CATSPER3: variants seen among roughly 807,000 people sequenced by gnomAD.
CATSPER3 encodes the protein cation channel sperm associated 3, also known as cation channel sperm-associated protein 3.
CATSPER3 carries 23 observed loss-of-function variants against 36.6 expected under a neutral mutation model. That is an observed-to-expected ratio of 0.63 (90% confidence interval 0.45 to 0.89). The LOEUF (loss-of-function observed/expected upper bound fraction) is 0.89. CATSPER3 is among the 40% of genes least tolerant of loss of function. The probability of loss-of-function intolerance (pLI) is 0.00; values close to 1 mark genes in which losing one functional copy is unlikely to be tolerated. For synonymous variants in CATSPER3, 172 were observed against 184.1 expected (o/e 0.93, Z 0.53); for missense variants, 474 against 503.9 (o/e 0.94, Z 0.57).
intron 7 of CATSPER3, 31 bp from the exon 8 acceptor site, chr5:135,011,490 A>G (rs1204031121): frequency 1.2e-5 from 19 of 1,557,880 alleles, no homozygotes; most frequent in Non-Finnish European, 1.6e-5. Context: ...CTCTGACCTC[A>G]GATCTTATCT....
chr5:134,997,375 G>A (rs1751963130), intron 3 of CATSPER3, among the ~76,000 whole-genome samples: 1 of 152,170 alleles, frequency 6.6e-6, no homozygotes, highest in African/African-American at 2.4e-5. Flanking sequence ...GTAAACAAAC[G>A]CCTGCCTGTG....
chr5:134,975,114 A>G (rs1180990721), intron 2 of CATSPER3: 1 of 152,180 alleles, frequency 6.6e-6, no homozygotes, highest in Non-Finnish European at 1.5e-5. Flanking sequence ...TTGTAAAATG[A>G]TATAATTAAT....
chr5:134,977,883 A>G (rs1751693406), intron 2 of CATSPER3, among the ~76,000 whole-genome samples: 1 of 152,244 alleles, frequency 6.6e-6, no homozygotes, highest in Admixed American at 6.5e-5. Context: ...AAGGGGAGCC[A>G]GCATGTCACA....
chr5:134,995,024 TTTCC>T (rs1276462713), intron 2 of CATSPER3, among the ~76,000 whole-genome samples: 6 of 151,732 alleles, frequency 4.0e-5, no homozygotes, highest in South Asian at 4.2e-4. Context: ...TCTCTCTCTT[TTTCC>T]TTCCTTCCTT....
In CATSPER3 at chr5:134,996,416, C is replaced by T; in HGVS notation, c.396C>T (p.Arg132=). The T allele has an allele frequency of 6.2e-7, 1 of 1,614,158 alleles. No homozygotes were observed. The highest frequency in any genetic ancestry group is 8.5e-7 in the Non-Finnish European group (1 of 1,179,948). Residue 132 remains arginine, a synonymous_variant, in exon 3 of 8, where the codon CGC becomes CGT. Coordinates refer to ENST00000282611, the MANE Select transcript of CATSPER3 (RefSeq NM_178019.3). ...TTATGTTTTTACCCTATGCCCTCCG[C>T]CAGCTCATGGGCAAACAGTTCACTT... ...IIVMFLPYAL[R]QLMGKQFTYL...
chr5:134,984,697 A>G (rs1751788139), intron 2 of CATSPER3, among the ~76,000 whole-genome samples: 1 of 152,184 alleles, frequency 6.6e-6, no homozygotes, highest in African/African-American at 2.4e-5. Flanking sequence ...GACAACCTCT[A>G]TGGAAAACAG....
intron 3 of CATSPER3, among the ~76,000 whole-genome samples, chr5:135,001,721 C>T (rs2149551973): frequency 6.6e-6 from 1 of 152,180 alleles, no homozygotes; most frequent in South Asian, 2.1e-4. Flanking sequence ...ATGTAATGGC[C>T]TTCTTTGTCT....
At chr5:135,000,279 C>T (rs1752004209) in intron 3 of CATSPER3, among the ~76,000 whole-genome samples, 2 of 152,238 alleles carry the variant, frequency 1.3e-5, no homozygotes, top group Non-Finnish European at 2.9e-5. Flanking sequence ...CCCACTTGAT[C>T]ATGGTGGATA....
Position 135,008,898 on chromosome 5 carries a change from C to T in CATSPER3, c.733C>T (p.Arg245Trp), listed in dbSNP as rs137922828. 3.5e-5 allele frequency: 57 copies of T among 1,614,048 alleles called. No homozygotes were observed. Among genetic ancestry groups the T allele is most frequent in the Middle Eastern group, 1.6e-4 (1 of 6,062 alleles). Residue 245 changes from arginine to tryptophan, a missense_variant, in exon 5 of 8, where the codon CGG (arginine) becomes TGG (tryptophan). Physicochemically the swap from Arg to Trp is moderately radical, Grantham distance 101. Coordinates refer to ENST00000282611, the MANE Select transcript of CATSPER3 (RefSeq NM_178019.3). ...QLDNREFALS[R>W]AFTIIFILLA... ...GGACAATCGGGAATTTGCTTTGAGC[C>T]GGGCATTCACCATCATCTTCATCTT... is the stretch of plus-strand genomic sequence containing the variant.
At chr5:135,007,092 T>G (rs1249846340) in intron 3 of CATSPER3, among the ~76,000 whole-genome samples, 1 of 152,166 alleles carries the variant, frequency 6.6e-6, no homozygotes, top group East Asian at 1.9e-4. Context: ...TTCCTAGTAC[T>G]AAGCCAGTAA....
At position 135,011,559 on chromosome 5, in the gene CATSPER3, G is replaced by C; in HGVS notation, c.1133G>C (p.Ser378Thr). ...TACTATGAGATCGTGCATGTGCTGAGCCTAATGCTGGAAGACTTGCCCCAG... is the reference window on the plus strand; with the variant it reads ...TACTATGAGATCGTGCATGTGCTGACCCTAATGCTGGAAGACTTGCCCCAG... ...ELYYEIVHVL[S>T]LMLEDLPQEK... The change falls in exon 8 of 8, where the codon AGC becomes ACC. Residue 378 changes from serine (S) to threonine (T), a missense_variant. Ser to Thr is a moderately conservative substitution (Grantham distance 58). Transcript: ENST00000282611. The C allele has an allele frequency of 6.2e-7, 1 of 1,614,126 alleles. No individual in the cohort carries two copies. Among genetic ancestry groups the C allele is most frequent in the Non-Finnish European group, 8.5e-7 (1 of 1,179,976 alleles).
At chr5:134,974,629 C>T (rs1453908517) in intron 2 of CATSPER3, among the ~76,000 whole-genome samples, 1 of 152,066 alleles carries the variant, frequency 6.6e-6, no homozygotes, top group Non-Finnish European at 1.5e-5. Flanking sequence ...AAAATATACT[C>T]TTCTTATCTT....
At chr5:134,990,311 G>C (rs2149549286) in intron 2 of CATSPER3, among the ~76,000 whole-genome samples, 1 of 152,284 alleles carries the variant, frequency 6.6e-6, no homozygotes. Flanking sequence ...ATGAACATTG[G>C]CTCAGTCTGG....
At chr5:134,982,438 T>G (rs1228670406) in intron 2 of CATSPER3, among the ~76,000 whole-genome samples, 2 of 152,118 alleles carry the variant, frequency 1.3e-5, no homozygotes, top group Admixed American at 1.3e-4. Context: ...GTGAGAATCT[T>G]GAAAACAGCA....
At chr5:134,969,899 A>G (rs936598219) in intron 1 of CATSPER3, 40 bp from the exon 2 acceptor site, 8 of 1,611,336 alleles carry the variant, frequency 5.0e-6, no homozygotes, top group Admixed American at 3.3e-5. Context: ...ATCTAGCTCT[A>G]TTGTGCTGTA....
chr5:135,005,775 G>A (rs542870059), intron 3 of CATSPER3, among the ~76,000 whole-genome samples: 1 of 145,092 alleles, frequency 6.9e-6, no homozygotes, highest in Non-Finnish European at 1.5e-5. Context: ...ATGTTCATCA[G>A]CATTTCAGCC....
rs941738120 is a variant in CATSPER3, at chr5:134,969,709, G to A, written c.99-230G>A. 7.4e-6 allele frequency: 4 copies of A among 539,022 alleles called. No individual in the cohort carries two copies. In the African/African-American group the frequency reaches 7.6e-5, roughly 10 times the overall value. 33.4% of individuals were successfully genotyped at this position (539,022 alleles called of 1,614,324 possible). On this transcript the variant is annotated intron_variant, in intron 1 of 7. Transcript: ENST00000282611. The stretch of plus-strand genomic sequence containing the variant: ...AAGGAGTGGTGACCATTCTTTTTCA[G>A]AGGTCCAGGGAGAGGGAGCTAAGTA...
At position 135,008,822 on chromosome 5, in the gene CATSPER3, C is replaced by G; in HGVS notation, c.676-19C>G. On this transcript the variant is annotated intron_variant, in intron 4 of 7. Transcript: ENST00000282611. The stretch of plus-strand genomic sequence containing the variant: ...CCACTGGGTCTGGGCCCTCAGCATA[C>G]TCTTCCCTGCCTGAGCAGGTTGATG... 3 of 1,613,714 alleles carry G rather than the reference C, an allele frequency of 1.9e-6. No individual in the cohort carries two copies. Among genetic ancestry groups the G allele is most frequent in the Non-Finnish European group, 2.5e-6 (3 of 1,179,646 alleles).
chr5:135,010,701 C>T (rs1752171391), intron 7 of CATSPER3, among the ~76,000 whole-genome samples, 171 bp downstream of exon 7: 1 of 152,138 alleles, frequency 6.6e-6, no homozygotes, highest in South Asian at 2.1e-4. Flanking sequence ...AGGGGCTGGG[C>T]TGCTGTGTGG....
Sources: gnomAD v4.1 joint callset for allele counts (sites outside exome capture counted in the v4.1 genomes callset) on GRCh38, gnomAD v4.1.1 for gene constraint, MANE v1.5 for transcripts, NCBI Gene and HGNC (gene_info 2026-07-23, HGNC 2026-07-21) for gene names.